Variants in NUDT9 observed in about 807,000 individuals in gnomAD.
The protein encoded by NUDT9 is nudix hydrolase 9.
A neutral mutation model predicts 41.0 loss-of-function variants in NUDT9; 31 were observed. That is an observed-to-expected ratio of 0.76 (90% CI 0.57 to 1.02). The LOEUF is 1.02. Among genes scored for constraint, NUDT9 ranks in the 50% least tolerant of loss-of-function variants. NUDT9 has a pLI of 0.00. For synonymous variants in NUDT9, 146 were observed against 147.6 expected, an observed-to-expected ratio of 0.99 and a Z score of 0.08; for missense variants, 380 against 431.4, an observed-to-expected ratio of 0.88 and a Z score of 1.06.
At chr4:87,455,282 A>G (rs1722935492) in intron 7 of NUDT9, among the ~76,000 whole-genome samples, 1 of 152,172 alleles carries the variant, frequency 6.6e-6, no homozygotes, top group African/African-American at 2.4e-5. Context: ...ACTTGGAGGA[A>G]ACTCCTGGGA....
intron 1 of NUDT9, among the ~76,000 whole-genome samples, chr4:87,424,238 CA>C (rs1184839361): frequency 2.1e-5 from 3 of 144,542 alleles, no homozygotes; most frequent in Non-Finnish European, 3.0e-5. Flanking sequence ...GTAGGAATAG[CA>C]TTTCTCCCTA....
chr4:87,429,682 C>T (rs2110161465), intron 1 of NUDT9, among the ~76,000 whole-genome samples: 1 of 144,292 alleles, frequency 6.9e-6, no homozygotes, highest in South Asian at 2.3e-4. Flanking sequence ...CCTTTTCTCT[C>T]TCCCCGTTTC....
intron 4 of NUDT9, among the ~76,000 whole-genome samples, chr4:87,443,488 T>G (rs1722305988): frequency 6.6e-6 from 1 of 152,234 alleles, no homozygotes; most frequent in Non-Finnish European, 1.5e-5. Context: ...TAAAAAATTC[T>G]AAGAATCCTA....
chr4:87,456,680 C>CA (rs1262984593), intron 7 of NUDT9, among the ~76,000 whole-genome samples: 1 of 152,152 alleles, frequency 6.6e-6, no homozygotes, highest in Non-Finnish European at 1.5e-5. Flanking sequence ...GTGCTGACTC[C>CA]AGCGGTAGGC....
At chr4:87,444,147 G>A (rs533641163) in intron 4 of NUDT9, among the ~76,000 whole-genome samples, 2 of 151,888 alleles carry the variant, frequency 1.3e-5, no homozygotes, top group South Asian at 2.1e-4. Flanking sequence ...GTCTCCCCAC[G>A]TGGAATTGTC....
Position 87,422,896 on chromosome 4 carries a change from C to A in NUDT9, c.-10C>A, listed in dbSNP as rs1193888391. ...CGACCTAGCATCGCAAAGCCGCCCT[C>A]GGGGCGCTCATGGCGGGACGCCTCC... On this transcript the variant is annotated 5_prime_UTR_variant, in exon 1 of 8. Coordinates refer to ENST00000302174, the MANE Select transcript of NUDT9 (RefSeq NM_024047.5). 1 of 1,606,918 alleles carries A rather than the reference C, an allele frequency of 6.2e-7. No individual in the cohort carries two copies. The highest frequency in any genetic ancestry group is 1.1e-5 in the South Asian group (1 of 90,816).
intron 1 of NUDT9, among the ~76,000 whole-genome samples, chr4:87,429,757 C>T (rs1376394905): frequency 1.3e-5 from 2 of 148,474 alleles, no homozygotes; most frequent in African/African-American, 5.0e-5. Flanking sequence ...CCTGTACTCC[C>T]CTTTCCCCCT....
intron 5 of NUDT9, among the ~76,000 whole-genome samples, chr4:87,451,249 G>A (rs1286497493): frequency 6.6e-6 from 1 of 152,236 alleles, no homozygotes; most frequent in African/African-American, 2.4e-5. Flanking sequence ...GAGGAGGTCA[G>A]TGTGGCTGGA....
chr4:87,438,702 T>C (rs761523862), intron 3 of NUDT9, among the ~76,000 whole-genome samples: 1 of 152,228 alleles, frequency 6.6e-6, no homozygotes, highest in Non-Finnish European at 1.5e-5. Flanking sequence ...TTAAATGGTA[T>C]AGTATCTTAA....
chr4:87,425,682 C>A (rs1410141325), intron 1 of NUDT9, among the ~76,000 whole-genome samples: 1 of 147,622 alleles, frequency 6.8e-6, no homozygotes, highest in Non-Finnish European at 1.5e-5. Flanking sequence ...AGGTGTGAGC[C>A]CCCACGCCTG....
Position 87,458,170 on chromosome 4 carries a change from A to G in NUDT9, c.*149A>G, listed in dbSNP as rs1331322949. ...ATTTGCATTTAGAGTGTTTCGCATCAGAATAACATGAGTAAGATGAACTGG... is the reference window on the plus strand; with the variant it reads ...ATTTGCATTTAGAGTGTTTCGCATCGGAATAACATGAGTAAGATGAACTGG... On this transcript the variant is annotated 3_prime_UTR_variant, in exon 8 of 8. Transcript: ENST00000302174. 1.8e-6 allele frequency: 1 copy of G among 567,198 alleles called. No individual in the cohort carries two copies. Among genetic ancestry groups the G allele is most frequent in the Non-Finnish European group, 2.7e-6 (1 of 369,448 alleles). 35.1% of individuals were successfully genotyped at this position (567,198 alleles called of 1,614,324 possible).
intron 1 of NUDT9, among the ~76,000 whole-genome samples, chr4:87,433,343 A>G (rs1487723636): frequency 6.6e-6 from 1 of 152,104 alleles, no homozygotes; most frequent in Non-Finnish European, 1.5e-5. Flanking sequence ...TCTATCTTTC[A>G]TGACCTTACC....
intron 1 of NUDT9, 77 bp from the exon 2 acceptor site, chr4:87,434,904 C>T (rs1578068896): frequency 7.6e-7 from 1 of 1,311,426 alleles, no homozygotes; most frequent in African/African-American, 1.5e-5. Context: ...CAGGCGTAAG[C>T]CACTGCACCC....
At chr4:87,452,195 G>T (rs1041804983) in intron 6 of NUDT9, among the ~76,000 whole-genome samples, 4 of 151,942 alleles carry the variant, frequency 2.6e-5, no homozygotes, top group African/African-American at 9.7e-5. Context: ...TAGAGACAGG[G>T]TTTCACCATG....
At chr4:87,431,022 G>A (rs1427346468) in intron 1 of NUDT9, among the ~76,000 whole-genome samples, 1 of 152,130 alleles carries the variant, frequency 6.6e-6, no homozygotes, top group African/African-American at 2.4e-5. Context: ...CAAATCCAGT[G>A]TCGTGAAATT....
At chr4:87,439,043 T>A (rs1722079965) in intron 3 of NUDT9, among the ~76,000 whole-genome samples, 1 of 151,992 alleles carries the variant, frequency 6.6e-6, no homozygotes, top group South Asian at 2.1e-4. Flanking sequence ...GGCGGGCACC[T>A]GTAATCCCAG....
chr4:87,434,917 C>A, intron 1 of NUDT9, 64 bp from the exon 2 acceptor site: 1 of 1,448,112 alleles, frequency 6.9e-7, no homozygotes, highest in Admixed American at 2.0e-5. Flanking sequence ...CTGCACCCGG[C>A]CTAGGTTCTT....
intron 3 of NUDT9, among the ~76,000 whole-genome samples, chr4:87,440,009 TA>T (rs1473263963): frequency 6.6e-6 from 1 of 152,246 alleles, no homozygotes; most frequent in Non-Finnish European, 1.5e-5. Context: ...TCAGTTTTGC[TA>T]AGTTCTTTCT....
chr4:87,426,325 G>A (rs914432510), intron 1 of NUDT9, among the ~76,000 whole-genome samples: 2 of 152,118 alleles, frequency 1.3e-5, no homozygotes, highest in African/African-American at 4.8e-5. Flanking sequence ...TTCTAAGACA[G>A]CTTGCCTAGG....
Sources: gnomAD v4.1 joint callset for allele counts (sites outside exome capture counted in the v4.1 genomes callset) on GRCh38, gnomAD v4.1.1 for gene constraint, MANE v1.5 for transcripts, NCBI Gene and HGNC (gene_info 2026-07-23, HGNC 2026-07-21) for gene names.